The following NPAS3 variants were observed in gnomAD, a reference collection of about 807,000 sequenced individuals.
NPAS3 encodes the protein neuronal PAS domain protein 3.
In NPAS3, 14 loss-of-function variants were observed where a neutral mutation model predicts 73.1. The ratio of observed to expected loss-of-function variants is 0.19; its 90% CI spans 0.13 to 0.30. The LOEUF is 0.30. Ranked by LOEUF, NPAS3 falls within the 10% of genes least tolerant of loss-of-function variation. The probability of loss-of-function intolerance (pLI) is 1.00; values close to 1 mark genes in which losing one functional copy is unlikely to be tolerated. For missense variants in NPAS3, 1,096 were observed against 1,250.0 expected (o/e 0.88, Z 1.86); for synonymous variants, 620 against 541.5 (o/e 1.14, Z -2.01).
chr14:33,672,320 A>G (rs962225270), intron 5 of NPAS3, among the ~76,000 whole-genome samples: 2 of 152,242 alleles, frequency 1.3e-5, no homozygotes, highest in African/African-American at 4.8e-5. Flanking sequence ...TTACAATGCC[A>G]TTATACTAAC....
At chr14:33,445,999 G>C (rs1482040451) in intron 4 of NPAS3, among the ~76,000 whole-genome samples, 6 of 150,190 alleles carry the variant, frequency 4.0e-5, no homozygotes, top group Admixed American at 6.6e-5. Context: ...CAGTTTTTGT[G>C]GCTTTAGTGA....
intron 4 of NPAS3, among the ~76,000 whole-genome samples, chr14:33,398,204 TTC>T (rs1382032999): frequency 6.6e-6 from 1 of 152,074 alleles, no homozygotes; most frequent in African/African-American, 2.4e-5. Context: ...AGAGTCTAAT[TTC>T]CCGAAGATTA....
intron 2 of NPAS3, among the ~76,000 whole-genome samples, chr14:33,094,505 G>T (rs1198452942): frequency 2.9e-5 from 4 of 139,782 alleles, no homozygotes; most frequent in African/African-American, 1.1e-4. Context: ...TCACTCTGTT[G>T]CCCAGGCCAG....
chr14:33,707,645 C>G (rs1449398964), intron 6 of NPAS3, among the ~76,000 whole-genome samples: 1 of 152,200 alleles, frequency 6.6e-6, no homozygotes, highest in Non-Finnish European at 1.5e-5. Flanking sequence ...GAGAGAATTC[C>G]TGCCCAAGTG....
intron 3 of NPAS3, among the ~76,000 whole-genome samples, chr14:33,249,346 C>G (rs909575231): frequency 5.3e-4 from 19 of 36,190 alleles, no homozygotes; most frequent in African/African-American, 2.0e-3. Flanking sequence ...CCCGTCCCCC[C>G]CACCTTTTTT....
At chr14:33,569,193 CAAT>C (rs1405006399) in intron 5 of NPAS3, among the ~76,000 whole-genome samples, 2 of 152,176 alleles carry the variant, frequency 1.3e-5, no homozygotes, top group Admixed American at 6.5e-5. Context: ...TCACCACATT[CAAT>C]AATAAGACAA....
intron 2 of NPAS3, among the ~76,000 whole-genome samples, chr14:33,152,487 TTTTTC>T (rs760204888): frequency 1.3e-5 from 2 of 152,166 alleles, no homozygotes; most frequent in Non-Finnish European, 2.9e-5. Context: ...CCCATTTCTT[TTTTTC>T]TTCCCTCACT....
intron 5 of NPAS3, among the ~76,000 whole-genome samples, chr14:33,567,158 A>G (rs2055996253): frequency 6.6e-6 from 1 of 152,190 alleles, no homozygotes; most frequent in Non-Finnish European, 1.5e-5. Flanking sequence ...TCTTGAAAGC[A>G]GCAAATACCC....
At chr14:33,026,606 G>T (rs2039811677) in intron 1 of NPAS3, among the ~76,000 whole-genome samples, 1 of 151,930 alleles carries the variant, frequency 6.6e-6, no homozygotes, top group Non-Finnish European at 1.5e-5. Flanking sequence ...GAGAGCTAAG[G>T]AGGAATCAAG....
intron 2 of NPAS3, among the ~76,000 whole-genome samples, chr14:33,098,937 C>A (rs1221064330): frequency 6.6e-6 from 1 of 152,174 alleles, no homozygotes; most frequent in Non-Finnish European, 1.5e-5. Flanking sequence ...CAAAGGTGCT[C>A]AACTGAGGGG....
intron 2 of NPAS3, among the ~76,000 whole-genome samples, chr14:33,097,988 AAAAAACTCTT>A (rs1293443085): frequency 6.6e-6 from 1 of 152,232 alleles, no homozygotes; most frequent in Non-Finnish European, 1.5e-5. Flanking sequence ...TGTAGAGGAA[AAAAAACTCTT>A]AACTTTAATA....
At chr14:33,330,804 ATTTG>A (rs1395137255) in intron 3 of NPAS3, among the ~76,000 whole-genome samples, 2 of 152,146 alleles carry the variant, frequency 1.3e-5, no homozygotes, top group Admixed American at 6.5e-5. Flanking sequence ...TCTTGGATTT[ATTTG>A]TTTGTGAGGA....
chr14:32,995,668 C>T, intron 1 of NPAS3, among the ~76,000 whole-genome samples: 1 of 152,216 alleles, frequency 6.6e-6, no homozygotes, highest in East Asian at 1.9e-4. Context: ...GTGGGAGTTT[C>T]TCTGTACAGG....
intron 3 of NPAS3, among the ~76,000 whole-genome samples, chr14:33,337,153 A>C (rs2044265265): frequency 6.6e-6 from 1 of 152,172 alleles, no homozygotes; most frequent in South Asian, 2.1e-4. Flanking sequence ...AAATCTTTGC[A>C]TAATATGAAG....
intron 3 of NPAS3, among the ~76,000 whole-genome samples, chr14:33,342,119 A>G (rs2044514914): frequency 6.6e-6 from 1 of 152,128 alleles, no homozygotes; most frequent in Admixed American, 6.5e-5. Context: ...TATCGCAAAT[A>G]AATTATTTTT....
chr14:33,283,700 G>A (rs1295708305), intron 3 of NPAS3, among the ~76,000 whole-genome samples: 2 of 152,162 alleles, frequency 1.3e-5, no homozygotes, highest in Non-Finnish European at 2.9e-5. Flanking sequence ...TTGTGTTGTG[G>A]CATCAGACTT....
chr14:33,716,215 A>G (rs1178458155), intron 6 of NPAS3, among the ~76,000 whole-genome samples: 1 of 152,184 alleles, frequency 6.6e-6, no homozygotes, highest in Non-Finnish European at 1.5e-5. Context: ...AGCAGAGTGT[A>G]AGTGCTTCAT....
chr14:33,299,826 T>C (rs966602031), intron 3 of NPAS3, among the ~76,000 whole-genome samples: 1 of 152,342 alleles, frequency 6.6e-6, no homozygotes, highest in African/African-American at 2.4e-5. Context: ...TTTGACCTTA[T>C]TCAATGAATT....
intron 5 of NPAS3, among the ~76,000 whole-genome samples, chr14:33,664,943 G>C (rs537278853): frequency 6.6e-6 from 1 of 152,090 alleles, no homozygotes; most frequent in Non-Finnish European, 1.5e-5. Flanking sequence ...GTGGAAGACA[G>C]TGTGGCGATT....
Sources: gnomAD v4.1 joint callset for allele counts (sites outside exome capture counted in the v4.1 genomes callset) on GRCh38, gnomAD v4.1.1 for gene constraint, MANE v1.5 for transcripts, NCBI Gene and HGNC (gene_info 2026-07-23, HGNC 2026-07-21) for gene names.